The following NREP variants were observed in gnomAD, a reference collection of about 807,000 sequenced individuals.
NREP encodes neuronal regeneration-related protein.
A neutral mutation model predicts 8.6 loss-of-function variants in NREP; 5 were observed. The observed-to-expected ratio is 0.58, with a 90% confidence interval of 0.30 to 1.22. The LOEUF (loss-of-function observed/expected upper bound fraction) is 1.22. Ranked by LOEUF, NREP falls within the 50% of genes most tolerant of loss-of-function variation. The probability of loss-of-function intolerance (pLI) is 0.07; values close to 1 mark genes in which losing one functional copy is unlikely to be tolerated. For synonymous variants in NREP, 27 were observed against 28.0 expected, an observed-to-expected ratio of 0.96 and a Z score of 0.11; for missense variants, 86 against 82.5, an observed-to-expected ratio of 1.04 and a Z score of -0.17.
Position 111,943,033 on chromosome 5 carries a change from A to T in NREP, c.135+32241T>A, listed in dbSNP as rs1001585567. 5.3e-5 allele frequency among the ~76,000 whole-genome samples: 8 copies of T among 151,852 alleles called. No homozygotes were observed. The East Asian group carries it at 1.4e-3, about 26-fold the overall frequency. The stretch of plus-strand genomic sequence containing the variant: ...TCCCCTTTCTCCCCTTTGATCTCCT[A>T]TACATATGTGGCTCCCATCTCATCA... On this transcript the variant is annotated intron_variant, in intron 2 of 3. Transcript: ENST00000395634.
intron 2 of NREP, among the ~76,000 whole-genome samples, chr5:111,957,605 A>G (rs1366771761): frequency 1.3e-5 from 2 of 151,730 alleles, no homozygotes; most frequent in African/African-American, 4.8e-5. Context: ...AGAGTACAAG[A>G]AAAGGATTTA....
intron 2 of NREP, among the ~76,000 whole-genome samples, chr5:111,957,096 T>C: frequency 6.6e-6 from 1 of 151,382 alleles, no homozygotes. Flanking sequence ...AAGAAGAGAC[T>C]GTTACTAATA....
At chr5:111,774,774 A>G (rs1581107796) in intron 2 of NREP, among the ~76,000 whole-genome samples, 2 of 152,356 alleles carry the variant, frequency 1.3e-5, no homozygotes, top group African/African-American at 2.4e-5. Context: ...CCAGAAAGGA[A>G]TGCAGCCCTG....
chr5:111,930,379 G>A (rs894768887), intron 2 of NREP, among the ~76,000 whole-genome samples: 3 of 152,164 alleles, frequency 2.0e-5, no homozygotes, highest in Non-Finnish European at 4.4e-5. Context: ...TTCTTTGAAA[G>A]TGGCGAATTT....
At chr5:111,801,583 A>T (rs999986609) in intron 2 of NREP, among the ~76,000 whole-genome samples, 1 of 152,218 alleles carries the variant, frequency 6.6e-6, no homozygotes, top group Non-Finnish European at 1.5e-5. Flanking sequence ...CCAGAAATGA[A>T]ATAAAAACAG....
At chr5:111,967,786 T>C (rs940435672) in intron 2 of NREP, among the ~76,000 whole-genome samples, 1 of 152,174 alleles carries the variant, frequency 6.6e-6, no homozygotes, top group Non-Finnish European at 1.5e-5. Context: ...TTGTAAACTT[T>C]TTAATTTAAA....
intron 2 of NREP, among the ~76,000 whole-genome samples, chr5:111,799,328 A>G (rs6594542): frequency 0.4 from 60,721 of 151,902 alleles, 12,941 homozygotes; most frequent in African/African-American, 0.55. Flanking sequence ...TTTGATGGGA[A>G]TTGCATTGAA....
At chr5:111,910,199 C>T (rs1754874174) in intron 2 of NREP, among the ~76,000 whole-genome samples, 1 of 151,998 alleles carries the variant, frequency 6.6e-6, no homozygotes. Flanking sequence ...TTCTGATTGC[C>T]CATATACCTC....
At chr5:111,975,277 A>G in exon 2 of NREP, 1 of 1,550,068 alleles carries the variant, frequency 6.5e-7, no homozygotes, top group Non-Finnish European at 8.7e-7. Flanking sequence ...GTCTTACACA[A>G]TTCAGAACAG....
chr5:111,870,674 C>T (rs1022332969), intron 2 of NREP, among the ~76,000 whole-genome samples: 13 of 151,982 alleles, frequency 8.6e-5, no homozygotes, highest in African/African-American at 2.7e-4. Flanking sequence ...GGATATAATC[C>T]GTTAAGACAA....
intron 2 of NREP, among the ~76,000 whole-genome samples, chr5:111,789,196 T>A (rs968819346): frequency 6.6e-6 from 1 of 152,216 alleles, no homozygotes; most frequent in Non-Finnish European, 1.5e-5. Context: ...TGTGTGTGTG[T>A]GTAATATATT....
intron 2 of NREP, among the ~76,000 whole-genome samples, chr5:111,954,954 G>T (rs966296776): frequency 1.3e-5 from 2 of 152,162 alleles, no homozygotes; most frequent in African/African-American, 4.8e-5. Flanking sequence ...AAAAGAGCAG[G>T]ATGGGAGTTT....
chr5:111,795,887 T>C (rs1430806403), intron 2 of NREP, among the ~76,000 whole-genome samples: 1 of 152,222 alleles, frequency 6.6e-6, no homozygotes, highest in Non-Finnish European at 1.5e-5. Context: ...TGTGCTTTCA[T>C]TATTCCCATT....
At chr5:111,897,463 T>C (rs544367375) in intron 2 of NREP, among the ~76,000 whole-genome samples, 93 of 152,328 alleles carry the variant, frequency 6.1e-4, no homozygotes, top group Middle Eastern at 3.4e-3. Context: ...ATATTTCCTA[T>C]GCTCCCTCTA....
chr5:111,822,834 TA>T (rs1752540414), intron 2 of NREP, among the ~76,000 whole-genome samples: 1 of 152,212 alleles, frequency 6.6e-6, no homozygotes, highest in South Asian at 2.1e-4. Context: ...TATTTGTCAT[TA>T]GTATGCAGAA....
intron 2 of NREP, among the ~76,000 whole-genome samples, chr5:111,873,867 C>G (rs1235838704): frequency 3.9e-5 from 6 of 152,284 alleles, no homozygotes; most frequent in South Asian, 2.1e-4. Context: ...GCAGGCAGAA[C>G]ACTAGTTACT....
intron 2 of NREP, among the ~76,000 whole-genome samples, chr5:111,893,211 C>G (rs963461290): frequency 2.6e-5 from 4 of 152,152 alleles, no homozygotes; most frequent in Admixed American, 2.6e-4. Flanking sequence ...ATCAGGATGG[C>G]CTTTTGCTTT....
intron 2 of NREP, among the ~76,000 whole-genome samples, chr5:111,856,225 A>G (rs1753424398): frequency 6.6e-6 from 1 of 152,182 alleles, no homozygotes; most frequent in Admixed American, 6.5e-5. Context: ...CATATGAACT[A>G]GATTTTATTT....
At position 111,953,666 on chromosome 5, in the gene NREP, C is replaced by T. The variant is rs781495032; in HGVS notation, c.135+21608G>A. Among the ~76,000 whole-genome samples the T allele has an allele frequency of 7.9e-5, 12 of 151,934 alleles. No homozygotes were observed. The South Asian group carries it at 8.3e-4, about 10-fold the overall frequency. On this transcript the variant is annotated intron_variant, in intron 2 of 3. Coordinates refer to the NREP transcript ENST00000395634. ...AGGTTACATTATGGAATGGAAAGAA[C>T]GAGGATAGGAACCAAGTGTCCAGGA... is the stretch of plus-strand genomic sequence containing the variant.
Sources: gnomAD v4.1 joint callset for allele counts (sites outside exome capture counted in the v4.1 genomes callset) on GRCh38, gnomAD v4.1.1 for gene constraint, MANE v1.5 for transcripts, NCBI Gene and HGNC (gene_info 2026-07-23, HGNC 2026-07-21) for gene names.